HDAC9: variants seen among roughly 807,000 people sequenced by gnomAD.
The protein encoded by HDAC9 is histone deacetylase 9.
A neutral mutation model predicts 139.4 loss-of-function variants in HDAC9; 41 were observed. That is an observed-to-expected ratio of 0.29 (90% CI 0.23 to 0.38). The LOEUF (loss-of-function observed/expected upper bound fraction) is 0.38, where lower values mean the gene tolerates loss of function less well. Among genes scored for constraint, HDAC9 ranks in the 10% least tolerant of loss-of-function variants. The probability of loss-of-function intolerance (pLI) is 1.00; values close to 1 mark genes in which losing one functional copy is unlikely to be tolerated. For synonymous variants in HDAC9, 517 were observed against 476.2 expected (o/e 1.09, Z -1.12); for missense variants, 1,147 against 1,297.0 (o/e 0.88, Z 1.78).
chr7:18,704,919 TG>T (rs1339109220), intron 12 of HDAC9, among the ~76,000 whole-genome samples: 3 of 152,230 alleles, frequency 2.0e-5, no homozygotes. Context: ...TGGAATATTT[TG>T]TTTTATTGAT....
intron 1 of HDAC9, among the ~76,000 whole-genome samples, chr7:18,142,873 T>C (rs1786013513): frequency 6.6e-6 from 1 of 152,192 alleles, no homozygotes. Flanking sequence ...CGTAAACCGA[T>C]AGCAGCCACC....
chr7:18,722,959 A>G (rs1283963602), intron 12 of HDAC9, among the ~76,000 whole-genome samples: 1 of 152,204 alleles, frequency 6.6e-6, no homozygotes, highest in Non-Finnish European at 1.5e-5. Context: ...CAGTTTTAAT[A>G]TAGGTAATAT....
chr7:18,088,927 A>G (rs1781966689), intron 1 of HDAC9, among the ~76,000 whole-genome samples: 1 of 152,238 alleles, frequency 6.6e-6, no homozygotes. Context: ...TGAATGGGGC[A>G]CATTTGAAGA....
At chr7:18,339,174 A>G (rs539729569) in intron 1 of HDAC9, among the ~76,000 whole-genome samples, 3 of 151,468 alleles carry the variant, frequency 2.0e-5, no homozygotes, top group Middle Eastern at 3.4e-3. Context: ...CAGTCAGGCT[A>G]CAAGTTTGTC....
intron 2 of HDAC9, among the ~76,000 whole-genome samples, chr7:18,244,722 C>T (rs151030265): frequency 0.016 from 2,480 of 152,108 alleles, 67 homozygotes; most frequent in African/African-American, 0.056. Context: ...GGCGTGAACC[C>T]GGGAGGCGGA....
chr7:18,477,815 G>T (rs1488240245), intron 1 of HDAC9, among the ~76,000 whole-genome samples: 3 of 152,008 alleles, frequency 2.0e-5, no homozygotes, highest in Non-Finnish European at 4.4e-5. Flanking sequence ...TAATGTTAAC[G>T]ACTCACAGCC....
At chr7:18,990,858 C>T (rs569939714) in intron 25 of HDAC9, among the ~76,000 whole-genome samples, 23 of 152,256 alleles carry the variant, frequency 1.5e-4, no homozygotes, top group Non-Finnish European at 1.9e-4. Context: ...AACTCCCTGG[C>T]CCCTTGTGCT....
chr7:18,898,753 T>A (rs6954476), intron 22 of HDAC9, among the ~76,000 whole-genome samples: 1 of 151,818 alleles, frequency 6.6e-6, no homozygotes, highest in Non-Finnish European at 1.5e-5. Flanking sequence ...TAAGTGAGTC[T>A]GATTTAGTTG....
At chr7:18,385,444 A>T (rs2128718123) in intron 1 of HDAC9, among the ~76,000 whole-genome samples, 1 of 152,312 alleles carries the variant, frequency 6.6e-6, no homozygotes, top group Middle Eastern at 3.4e-3. Flanking sequence ...GGGATATGTT[A>T]ACCCACTAAA....
intron 17 of HDAC9, among the ~76,000 whole-genome samples, chr7:18,810,262 T>C (rs1163310022): frequency 6.6e-6 from 1 of 151,952 alleles, no homozygotes; most frequent in East Asian, 1.9e-4. Flanking sequence ...CAAGATTTTA[T>C]TGAGCTCATG....
chr7:18,957,810 G>C (rs189146945), intron 24 of HDAC9, among the ~76,000 whole-genome samples: 1 of 152,150 alleles, frequency 6.6e-6, no homozygotes, highest in East Asian at 1.9e-4. Context: ...AACTTTAGGG[G>C]GTGTTCAGAT....
intron 1 of HDAC9, among the ~76,000 whole-genome samples, chr7:18,134,314 G>A (rs1785241710): frequency 6.6e-6 from 1 of 152,002 alleles, no homozygotes; most frequent in Non-Finnish European, 1.5e-5. Flanking sequence ...TAATGTCATG[G>A]CATATATTAG....
intron 12 of HDAC9, among the ~76,000 whole-genome samples, chr7:18,721,373 C>A (rs1785130775): frequency 1.3e-5 from 2 of 151,668 alleles, no homozygotes; most frequent in Non-Finnish European, 2.9e-5. Flanking sequence ...TATTAATTTG[C>A]AAATTTTGGA....
intron 22 of HDAC9, chr7:18,899,224 A>T (rs1410018517): frequency 1.3e-5 from 2 of 152,036 alleles, no homozygotes; most frequent in Non-Finnish European, 2.9e-5. Flanking sequence ...TGTCTTGTCA[A>T]TAGAGGACAC....
intron 12 of HDAC9, among the ~76,000 whole-genome samples, chr7:18,715,118 G>A (rs1339741399): frequency 6.6e-6 from 1 of 151,996 alleles, no homozygotes; most frequent in Non-Finnish European, 1.5e-5. Context: ...TGGTTGTTGA[G>A]ACAACCACAG....
intron 14 of HDAC9, among the ~76,000 whole-genome samples, chr7:18,755,708 A>T (rs1788813812): frequency 2.0e-5 from 3 of 152,060 alleles, no homozygotes; most frequent in Non-Finnish European, 2.9e-5. Context: ...AGTAAAACTT[A>T]AAAAAATAGA....
intron 1 of HDAC9, among the ~76,000 whole-genome samples, chr7:18,446,372 G>C (rs899207746): frequency 6.6e-6 from 1 of 152,194 alleles, no homozygotes; most frequent in South Asian, 2.1e-4. Context: ...TGCCTAGTCG[G>C]GGGGTGGGTT....
chr7:18,981,281 T>C (rs78756851), intron 25 of HDAC9, among the ~76,000 whole-genome samples: 2 of 152,282 alleles, frequency 1.3e-5, no homozygotes, highest in Middle Eastern at 3.4e-3. Context: ...TGTGAAAATA[T>C]CAAGTTCATT....
intron 22 of HDAC9, among the ~76,000 whole-genome samples, chr7:18,908,667 T>G (rs1802485454): frequency 6.6e-6 from 1 of 152,106 alleles, no homozygotes; most frequent in Admixed American, 6.6e-5. Context: ...GTGCCTGCAT[T>G]ATTTTACTTA....
Sources: allele counts gnomAD v4.1 joint callset (sites outside exome capture counted in the v4.1 genomes callset), GRCh38; gene constraint gnomAD v4.1.1; transcripts MANE v1.5; gene names NCBI Gene and HGNC (gene_info 2026-07-23, HGNC 2026-07-21).